Variants in CHST11 observed in about 807,000 individuals in gnomAD.
The protein encoded by CHST11 is carbohydrate sulfotransferase 11.
Under a neutral mutation model 30.4 loss-of-function variants are expected in CHST11, and 9 were observed. That is an observed-to-expected ratio of 0.30 (90% CI 0.18 to 0.52). The LOEUF is 0.52. Ranked by LOEUF, CHST11 falls within the 20% of genes least tolerant of loss-of-function variation. The pLI is 0.97. For missense variants in CHST11, 348 were observed against 460.6 expected (o/e 0.76, Z 2.24); for synonymous variants, 152 against 187.8 (o/e 0.81, Z 1.56).
intron 1 of CHST11, among the ~76,000 whole-genome samples, chr12:104,561,793 ATTT>A (rs60344528): frequency 3.9e-4 from 55 of 141,982 alleles, no homozygotes; most frequent in Admixed American, 7.0e-4. Context: ...TATTAGGTCC[ATTT>A]TTTTTTTTTT....
rs551150095 is a variant in CHST11, at chr12:104,530,733, C to A, written c.119-71173C>A. 6.6e-5 allele frequency among the ~76,000 whole-genome samples: 10 copies of A among 152,376 alleles called. No individual in the cohort carries two copies. In the South Asian group the frequency reaches 2.1e-3, roughly 32 times the overall value. ...CTCCATGGAATTCTTCTCAAAGCTTCAGCCTGGATATCCAGCCTCCTGACT... is the reference window on the plus strand; with the variant it reads ...CTCCATGGAATTCTTCTCAAAGCTTAAGCCTGGATATCCAGCCTCCTGACT... On this transcript the variant is annotated intron_variant, in intron 1 of 2. Coordinates refer to ENST00000303694, the MANE Select transcript of CHST11 (RefSeq NM_018413.6).
intron 1 of CHST11, among the ~76,000 whole-genome samples, chr12:104,510,179 G>A (rs1245795679): frequency 6.6e-6 from 1 of 152,164 alleles, no homozygotes; most frequent in Non-Finnish European, 1.5e-5. Context: ...TTTCTGTTTA[G>A]TAAGACCTCA....
intron 1 of CHST11, among the ~76,000 whole-genome samples, chr12:104,531,933 C>A (rs2038189111): frequency 6.6e-6 from 1 of 152,198 alleles, no homozygotes; most frequent in Admixed American, 6.5e-5. Flanking sequence ...GTTTGTAAAT[C>A]TTTTTTACAG....
intron 2 of CHST11, among the ~76,000 whole-genome samples, chr12:104,610,071 GTGTGTGTGTGTGTGTGTGTGTGTGTC>G (rs1164322161): frequency 4.6e-5 from 7 of 150,576 alleles, no homozygotes; most frequent in African/African-American, 1.7e-4. Flanking sequence ...GTGTGTGTGT[GTGTGTGTGTGTGTGTGTGTGTGTGTC>G]TGTGGTATGT....
chr12:104,575,516 G>T (rs957509340), intron 1 of CHST11, among the ~76,000 whole-genome samples: 3 of 152,184 alleles, frequency 2.0e-5, no homozygotes, highest in Non-Finnish European at 4.4e-5. Flanking sequence ...GTGATAATCC[G>T]GGTGAAGGGG....
At chr12:104,746,707 C>T (rs1296311004) in intron 2 of CHST11, among the ~76,000 whole-genome samples, 2 of 152,214 alleles carry the variant, frequency 1.3e-5, no homozygotes, top group African/African-American at 2.4e-5. Context: ...TCCCTGACAA[C>T]GTTAATGTCA....
intron 1 of CHST11, among the ~76,000 whole-genome samples, chr12:104,584,980 T>C (rs1650141): frequency 0.87 from 132,028 of 152,246 alleles, 57,466 homozygotes; most frequent in East Asian, 1. Flanking sequence ...GTGTTCTCTC[T>C]GTTGGCATCT....
intron 2 of CHST11, among the ~76,000 whole-genome samples, chr12:104,643,516 A>G (rs2039397734): frequency 6.6e-6 from 1 of 152,162 alleles, no homozygotes; most frequent in Non-Finnish European, 1.5e-5. Flanking sequence ...TGTAGTGGGT[A>G]GCGTGTTTGT....
intron 2 of CHST11, among the ~76,000 whole-genome samples, chr12:104,647,708 A>G (rs1401577327): frequency 1.3e-5 from 2 of 152,182 alleles, no homozygotes; most frequent in Non-Finnish European, 2.9e-5. Flanking sequence ...TTAGCAGCTT[A>G]ACAATAATCG....
chr12:104,532,752 C>G (rs2038197180), intron 1 of CHST11, among the ~76,000 whole-genome samples: 1 of 152,154 alleles, frequency 6.6e-6, no homozygotes, highest in Non-Finnish European at 1.5e-5. Context: ...GTTATAAGAC[C>G]TAAGACTGCT....
chr12:104,634,248 A>G (rs2039301007), intron 2 of CHST11, among the ~76,000 whole-genome samples: 1 of 152,206 alleles, frequency 6.6e-6, no homozygotes, highest in Admixed American at 6.5e-5. Flanking sequence ...TCCCCAGTGC[A>G]TAGTAGGCAC....
intron 2 of CHST11, among the ~76,000 whole-genome samples, chr12:104,747,557 C>T (rs1358024465): frequency 6.6e-6 from 1 of 152,042 alleles, no homozygotes; most frequent in Non-Finnish European, 1.5e-5. Context: ...CAGAAAGAAA[C>T]GTCATATAAT....
chr12:104,665,686 T>A (rs1475933435), intron 2 of CHST11, among the ~76,000 whole-genome samples: 1 of 141,872 alleles, frequency 7.0e-6, no homozygotes, highest in Non-Finnish European at 1.5e-5. Context: ...TTGAACACTC[T>A]GCATTTAAAT....
intron 1 of CHST11, among the ~76,000 whole-genome samples, chr12:104,583,902 G>A (rs1404332663): frequency 2.0e-5 from 3 of 152,084 alleles, no homozygotes; most frequent in Admixed American, 1.3e-4. Context: ...TAGTAGAGAT[G>A]GGGTTTCACC....
chr12:104,655,433 C>T (rs933397576), intron 2 of CHST11, among the ~76,000 whole-genome samples: 11 of 152,218 alleles, frequency 7.2e-5, no homozygotes, highest in African/African-American at 2.7e-4. Context: ...CCCAGCATCC[C>T]TTTATCCTGG....
At position 104,491,115 on chromosome 12, in the gene CHST11, C is replaced by T. The variant is rs1028942583; in HGVS notation, c.118+33586C>T. Among the ~76,000 whole-genome samples, 5 of 151,970 alleles carry T rather than the reference C, an allele frequency of 3.3e-5. No individual in the cohort carries two copies. In the East Asian group the frequency reaches 5.8e-4, roughly 18 times the overall value. ...CTGTTAACAATTATCTCTGAGGGCCCGTCACATTCAGAGAAGATTCTAGGT... is the reference window on the plus strand; with the variant it reads ...CTGTTAACAATTATCTCTGAGGGCCTGTCACATTCAGAGAAGATTCTAGGT... On this transcript the variant is annotated intron_variant, in intron 1 of 2. Transcript: ENST00000303694.
intron 2 of CHST11, 87 bp from the exon 3 acceptor site, chr12:104,756,862 A>G: frequency 6.8e-7 from 1 of 1,466,818 alleles, no homozygotes; most frequent in African/African-American, 1.4e-5. Context: ...ATGTGTTTGA[A>G]CGGGTGGATT....
At chr12:104,604,806 A>T (rs1329499699) in intron 2 of CHST11, among the ~76,000 whole-genome samples, 1 of 152,184 alleles carries the variant, frequency 6.6e-6, no homozygotes, top group African/African-American at 2.4e-5. Flanking sequence ...TGAAAACAGG[A>T]ACTGTTTATT....
At chr12:104,586,304 A>G (rs2038803626) in intron 1 of CHST11, among the ~76,000 whole-genome samples, 1 of 152,190 alleles carries the variant, frequency 6.6e-6, no homozygotes, top group Non-Finnish European at 1.5e-5. Flanking sequence ...TGGACAAAGA[A>G]TGGGCGAAAA....
Sources: allele counts gnomAD v4.1 joint callset (sites outside exome capture counted in the v4.1 genomes callset), GRCh38; gene constraint gnomAD v4.1.1; transcripts MANE v1.5; gene names NCBI Gene and HGNC (gene_info 2026-07-23, HGNC 2026-07-21).